Variants in MFGE8 observed in about 807,000 individuals in gnomAD.
MFGE8 encodes the protein lactadherin.
A neutral mutation model predicts 42.6 loss-of-function variants in MFGE8; 34 were observed. The ratio of observed to expected loss-of-function variants is 0.80; its 90% CI spans 0.61 to 1.06. MFGE8 has a LOEUF of 1.06. Among genes scored for constraint, MFGE8 ranks in the 50% least tolerant of loss-of-function variants. The pLI, the probability that MFGE8 is intolerant of heterozygous loss-of-function variation, is 0.00. For synonymous variants in MFGE8, 230 were observed against 214.8 expected (o/e 1.07, Z -0.62); for missense variants, 510 against 516.9 (o/e 0.99, Z 0.13).
At chr15:88,908,443 G>T (rs995825592) in intron 2 of MFGE8, among the ~76,000 whole-genome samples, 2 of 152,218 alleles carry the variant, frequency 1.3e-5, no homozygotes, top group Non-Finnish European at 2.9e-5. Context: ...AGTCCAGTGT[G>T]CATTCTTTGG....
chr15:88,910,490 G>A (rs1037041888), intron 1 of MFGE8: 25 of 186,060 alleles, frequency 1.3e-4, no homozygotes, highest in Non-Finnish European at 7.9e-5. Context: ...CTAGGCCCCC[G>A]AGACAGAGAA....
At position 88,906,238 on chromosome 15, in the gene MFGE8, C is replaced by G; in HGVS notation, c.541-337G>C. 2 of 459,588 alleles carry G rather than the reference C, an allele frequency of 4.4e-6. No homozygotes were observed. Among genetic ancestry groups the G allele is most frequent in the South Asian group, 4.2e-5 (2 of 47,460 alleles). 28.5% of individuals were successfully genotyped at this position (459,588 alleles called of 1,614,324 possible). On this transcript the variant is annotated intron_variant, in intron 4 of 7. Transcript: ENST00000268150. This position sits in a 1 kb window ranked among gnomAD's most constrained non-coding sequence, Gnocchi z 4.2. ...ATAGTTTATTATGACAATTTTCTGACAGAGTTCCACAAATGTACAATGCCT... is the reference window on the plus strand; with the variant it reads ...ATAGTTTATTATGACAATTTTCTGAGAGAGTTCCACAAATGTACAATGCCT...
Position 88,913,325 on chromosome 15 carries a change from G to T in MFGE8, c.-6C>A. 6 of 1,435,742 alleles carry T rather than the reference G, an allele frequency of 4.2e-6. No homozygotes were observed. The highest frequency in any genetic ancestry group is 5.4e-6 in the Non-Finnish European group (6 of 1,105,974). 88.9% of individuals were successfully genotyped at this position (1,435,742 alleles called of 1,614,324 possible). On this transcript the variant is annotated 5_prime_UTR_variant, in exon 1 of 8. Transcript: ENST00000268150. ...AGCAGGCGGGGGCGCGGCATGCTGC[G>T]GGGACGCGGGCGCTGGAATGGGCAC...
intron 2 of MFGE8, 44 bp from the exon 3 acceptor site, chr15:88,907,420 T>TCC (rs756373330): frequency 3.8e-6 from 6 of 1,585,038 alleles, no homozygotes; most frequent in Non-Finnish European, 5.2e-6. Context: ...CCCAGCAGGT[T>TCC]CCCGGGCCCA....
At position 88,906,594 on chromosome 15, in the gene MFGE8, C is replaced by T. The variant is rs201964986; in HGVS notation, c.540+32G>A. 8.0e-5 allele frequency: 129 copies of T among 1,613,362 alleles called. No individual in the cohort carries two copies. Among genetic ancestry groups the T allele is most frequent in the South Asian group, 1.1e-5 (1 of 90,898 alleles). ...CTAGAACCTTAGGGGGTATGGACCA[C>T]AGCCCTTCTTTCGGGCCCCAACAAG... is the stretch of plus-strand genomic sequence containing the variant. On this transcript the variant is annotated intron_variant, in intron 4 of 7. Transcript: ENST00000268150. The surrounding 1 kb of genome is among the most constrained non-coding windows in gnomAD (Gnocchi z 4.2).
Position 88,901,607 on chromosome 15 carries a change from G to A in MFGE8, c.814C>T (p.Gln272Ter), listed in dbSNP as rs1898435719. The A allele has an allele frequency of 1.2e-6, 2 of 1,613,186 alleles. No individual in the cohort carries two copies. The highest frequency in any genetic ancestry group is 1.7e-6 in the Non-Finnish European group (2 of 1,179,760). ...WNPSYARLDK[Q>*]GNFNAWVAGS... ...GCAACCCAGGCGTTGAAGTTGCCCT[G>A]CTTGTCCAGCCGTGCATAGGAGGGG... Residue 272 changes from glutamine to a stop codon, truncating the protein, a stop_gained, in exon 6 of 8, where the codon CAG becomes TAG. Transcript: ENST00000268150. LOFTEE classifies it high-confidence loss of function.
Position 88,899,028 on chromosome 15 carries a change from T to C in MFGE8, c.*367A>G, listed in dbSNP as rs538382131. On this transcript the variant is annotated 3_prime_UTR_variant, in exon 8 of 8. Coordinates refer to ENST00000268150, the MANE Select transcript of MFGE8 (RefSeq NM_005928.4). This position sits in a 1 kb window ranked among gnomAD's most constrained non-coding sequence, Gnocchi z 6.8. ...TTGAGGCCACCATGGGAATGTGATG[T>C]GTGAGAGAGGGGCTAGGAGAGACAG... is the stretch of plus-strand genomic sequence containing the variant. 5.4e-4 allele frequency: 181 copies of C among 332,770 alleles called. No individual in the cohort carries two copies. Among genetic ancestry groups the C allele is most frequent in the South Asian group, 5.1e-3 (168 of 32,684 alleles). 20.6% of individuals were successfully genotyped at this position (332,770 alleles called of 1,614,324 possible).
chr15:88,910,176 T>G, intron 1 of MFGE8: 1 of 436,972 alleles, frequency 2.3e-6, no homozygotes, highest in Admixed American at 3.4e-5. Flanking sequence ...TCCAGAAAAG[T>G]GCTGGCTGAC....
rs111519124 is a variant in MFGE8, at chr15:88,900,614, T to C, written c.871-803A>G. On this transcript the variant is annotated intron_variant, in intron 6 of 7. Transcript: ENST00000268150. Reference sequence around the variant, plus strand: ...CCCTGGAGAACCTGCCAGCTGCACCTGGACACACAGTTCCCCAACATCCAG... The same window carrying C: ...CCCTGGAGAACCTGCCAGCTGCACCCGGACACACAGTTCCCCAACATCCAG... 1.3e-5 allele frequency: 9 copies of C among 694,496 alleles called. No homozygotes were observed. In the East Asian group the frequency reaches 1.1e-3, roughly 82 times the overall value. The allele number at this position is 694,496 out of a possible 1,614,324, so 43.0% of individuals were successfully genotyped here.
In MFGE8 at chr15:88,906,664, C is replaced by A; in HGVS notation, c.502G>T (p.Glu168Ter). Residue 168 changes from glutamate to a stop codon, truncating the protein, a stop_gained, in exon 4 of 8, where the codon GAA becomes TAA. Transcript: ENST00000268150. LOFTEE classifies it high-confidence loss of function. The surrounding 1 kb of genome is among the most constrained non-coding windows in gnomAD (Gnocchi z 4.2). The stretch of plus-strand genomic sequence containing the variant: ...TTAACATCATGGATGAAATCGAATT[C>A]GTGTCCATTAAGGCTGTAGGCCACC... ...FKVAYSLNGH[E>*]FDFIHDVNKK... 1 of 1,614,020 alleles carries A rather than the reference C, an allele frequency of 6.2e-7. No homozygotes were observed. The highest frequency in any genetic ancestry group is 1.1e-5 in the South Asian group (1 of 91,060).
In MFGE8 at chr15:88,901,102, TAC is replaced by T. The variant is rs1898359858; in HGVS notation, c.870+447_870+448del. Among the ~76,000 whole-genome samples the T allele has an allele frequency of 3.8e-5, 2 of 52,200 alleles. 1 individual carries two copies. Among genetic ancestry groups the T allele is most frequent in the Admixed American group, 4.6e-4 (2 of 4,308 alleles). 34.2% of individuals were successfully genotyped at this position (52,200 alleles called of 152,430 possible). A position where few individuals can be genotyped will look rare whatever the true frequency, so the allele number is the denominator to read the frequency against. On this transcript the variant is annotated intron_variant, in intron 6 of 7. Coordinates refer to ENST00000268150, the MANE Select transcript of MFGE8 (RefSeq NM_005928.4). The stretch of plus-strand genomic sequence containing the variant: ...ATACACATTCACACACATTCACAAA[TAC>T]ACATTCACACATACACATTCACACA...
chr15:88,901,326 C>A (rs938926171), intron 6 of MFGE8, among the ~76,000 whole-genome samples: 7 of 152,066 alleles, frequency 4.6e-5, no homozygotes, highest in Non-Finnish European at 7.4e-5. Context: ...CATTCACACA[C>A]ACACACACAT....
Position 88,898,955 on chromosome 15 carries a change from C to T in MFGE8, c.*440G>A, listed in dbSNP as rs1271342235. 5 of 261,806 alleles carry T rather than the reference C, an allele frequency of 1.9e-5. No individual in the cohort carries two copies. Among genetic ancestry groups the T allele is most frequent in the Non-Finnish European group, 3.0e-5 (4 of 132,922 alleles). The allele number at this position is 261,806 out of a possible 1,614,324, so 16.2% of individuals were successfully genotyped here. On this transcript the variant is annotated 3_prime_UTR_variant, in exon 8 of 8. Transcript: ENST00000268150. Reference sequence around the variant, plus strand: ...TGGTACCCCAGGGCCGACGCAGGGCCGACGGGCAAGAGGCTGTTATCTCCA... The same window carrying T: ...TGGTACCCCAGGGCCGACGCAGGGCTGACGGGCAAGAGGCTGTTATCTCCA...
At chr15:88,904,701 A>T (rs939671722) in intron 5 of MFGE8, 1 of 152,284 alleles carries the variant, frequency 6.6e-6, no homozygotes, top group Non-Finnish European at 1.5e-5. Context: ...TGGTGGAGGA[A>T]GCATACCTAC....
At position 88,906,041 on chromosome 15, in the gene MFGE8, G is replaced by A. The variant is rs1898660974; in HGVS notation, c.541-140C>T. On this transcript the variant is annotated intron_variant, in intron 4 of 7. Transcript: ENST00000268150. The surrounding 1 kb of genome is among the most constrained non-coding windows in gnomAD (Gnocchi z 4.2). ...AAGAGGACTTGGAAGAGCCAGCAGAGGCTCACACAGCAGCCTCTCCTTTGG... is the reference window on the plus strand; with the variant it reads ...AAGAGGACTTGGAAGAGCCAGCAGAAGCTCACACAGCAGCCTCTCCTTTGG... The A allele has an allele frequency of 1.0e-6, 1 of 969,412 alleles. No individual in the cohort carries two copies. Among genetic ancestry groups the A allele is most frequent in the Non-Finnish European group, 1.6e-6 (1 of 624,956 alleles). The allele number at this position is 969,412 out of a possible 1,614,324, so 60.1% of individuals were successfully genotyped here.
At chr15:88,912,038 C>T (rs777224470) in intron 1 of MFGE8, 25 of 1,072,292 alleles carry the variant, frequency 2.3e-5, no homozygotes, top group African/African-American at 3.3e-5. Flanking sequence ...CCAACTGCAC[C>T]GGCCCTCTCC....
Position 88,906,114 on chromosome 15 carries a change from A to G in MFGE8, c.541-213T>C, listed in dbSNP as rs984830339. On this transcript the variant is annotated intron_variant, in intron 4 of 7. Coordinates refer to ENST00000268150, the MANE Select transcript of MFGE8 (RefSeq NM_005928.4). The surrounding 1 kb of genome is among the most constrained non-coding windows in gnomAD (Gnocchi z 4.2). ...GATTCTCCTCTCACTTTCCTTAATCATCATGGAGCCTGGGCATAAACCCCT... is the reference window on the plus strand; with the variant it reads ...GATTCTCCTCTCACTTTCCTTAATCGTCATGGAGCCTGGGCATAAACCCCT... The G allele has an allele frequency of 1.5e-5, 9 of 615,632 alleles. No individual in the cohort carries two copies. In the South Asian group the frequency reaches 1.5e-4, roughly 10 times the overall value. 38.1% of individuals were successfully genotyped at this position (615,632 alleles called of 1,614,324 possible).
chr15:88,898,856 AG>A lies in MFGE8; in HGVS notation c.*538del, dbSNP rs1003932262. 1.7e-5 allele frequency: 3 copies of A among 181,344 alleles called. No individual in the cohort carries two copies. Among genetic ancestry groups the A allele is most frequent in the African/African-American group, 7.1e-5 (3 of 42,502 alleles). The allele number at this position is 181,344 out of a possible 1,614,324, so 11.2% of individuals were successfully genotyped here. On this transcript the variant is annotated 3_prime_UTR_variant, in exon 8 of 8. Coordinates refer to ENST00000268150, the MANE Select transcript of MFGE8 (RefSeq NM_005928.4). ...TTCTGTGTCGCTGGGCTTCAGGACAAGGGGCAAGAGAGGCAACCAGGGAGAC... is the reference window on the plus strand; with the variant it reads ...TTCTGTGTCGCTGGGCTTCAGGACAAGGGCAAGAGAGGCAACCAGGGAGAC...
rs1899058326 is a variant in MFGE8 at position 88,913,306 on chromosome 15, C to T, written c.14G>A (p.Arg5His). 3 of 1,462,104 alleles carry T rather than the reference C, an allele frequency of 2.1e-6. No homozygotes were observed. In the South Asian group the frequency reaches 4.1e-5, roughly 20 times the overall value. The allele number at this position is 1,462,104 out of a possible 1,614,324, so 90.6% of individuals were successfully genotyped here. The change falls in exon 1 of 8, where the codon CGC (arginine) becomes CAC (histidine). Residue 5 changes from arginine to histidine, a missense_variant. Transcript: ENST00000268150. ...CGCGCCGCACAGCGCGGCCAGCAGG[C>T]GGGGGCGCGGCATGCTGCGGGGACG... MPRP[R>H]LLAALCGALL...
Sources: allele counts gnomAD v4.1 joint callset (sites outside exome capture counted in the v4.1 genomes callset), GRCh38; gene constraint gnomAD v4.1.1; non-coding constraint Gnocchi (gnomAD v3.1); transcripts MANE v1.5; gene names NCBI Gene and HGNC (gene_info 2026-07-23, HGNC 2026-07-21).